NPAS2: variants seen among roughly 807,000 people sequenced by gnomAD.
The protein encoded by NPAS2 is neuronal PAS domain-containing protein 2.
In NPAS2, 23 loss-of-function variants were observed where a neutral mutation model predicts 107.5. The observed-to-expected ratio is 0.21, with a 90% CI of 0.15 to 0.30. The LOEUF is 0.30. NPAS2 is among the 10% of genes least tolerant of loss of function. The pLI is 1.00. For synonymous variants in NPAS2, 403 were observed against 417.5 expected, an observed-to-expected ratio of 0.97 and a Z score of 0.42; for missense variants, 756 against 1,043.3, an observed-to-expected ratio of 0.72 and a Z score of 3.79.
intron 3 of NPAS2, among the ~76,000 whole-genome samples, chr2:100,932,547 G>A (rs1202015272): frequency 6.6e-6 from 1 of 151,260 alleles, no homozygotes; most frequent in East Asian, 1.9e-4. Flanking sequence ...ACTTATGAAG[G>A]TGTCACACCA....
intron 1 of NPAS2, among the ~76,000 whole-genome samples, chr2:100,850,226 G>A (rs553612916): frequency 1.3e-5 from 2 of 152,218 alleles, no homozygotes; most frequent in African/African-American, 2.4e-5. Flanking sequence ...TTCAGTATAA[G>A]GAAAATAAAC....
chr2:100,879,038 G>A (rs112745964), intron 1 of NPAS2, among the ~76,000 whole-genome samples: 7,763 of 151,538 alleles, frequency 0.051, 644 homozygotes, highest in African/African-American at 0.18. Flanking sequence ...AGAATCACTT[G>A]AACCTGGGAG....
intron 1 of NPAS2, among the ~76,000 whole-genome samples, chr2:100,851,889 G>A (rs1030629579): frequency 1.3e-5 from 2 of 152,076 alleles, no homozygotes; most frequent in African/African-American, 4.8e-5. Flanking sequence ...ATGGTAGATG[G>A]GAACACAGTC....
intron 2 of NPAS2, among the ~76,000 whole-genome samples, chr2:100,912,161 A>G (rs1300799517): frequency 6.6e-6 from 1 of 152,194 alleles, no homozygotes; most frequent in African/African-American, 2.4e-5. Flanking sequence ...GGAGACTACA[A>G]AGGAAGAATA....
At chr2:100,867,052 G>T (rs568379116) in intron 1 of NPAS2, among the ~76,000 whole-genome samples, 14 of 152,194 alleles carry the variant, frequency 9.2e-5, no homozygotes, top group Non-Finnish European at 1.6e-4. Flanking sequence ...ATTTGAAGTG[G>T]ATGCTCCAAA....
chr2:100,884,342 C>T (rs1195321962), intron 1 of NPAS2, among the ~76,000 whole-genome samples: 1 of 152,074 alleles, frequency 6.6e-6, no homozygotes, highest in Non-Finnish European at 1.5e-5. Context: ...ACAGTACCTT[C>T]AGAAGATTAA....
chr2:100,982,297 C>T lies in NPAS2; in HGVS notation c.1549C>T (p.Gln517Ter). The T allele has an allele frequency of 6.2e-7, 1 of 1,614,200 alleles. No individual in the cohort carries two copies. Among genetic ancestry groups the T allele is most frequent in the East Asian group, 2.2e-5 (1 of 44,888 alleles). Residue 517 changes from glutamine (Q) to a stop codon, truncating the protein, a stop_gained, in exon 16 of 21, where the codon CAG becomes TAG. Transcript: ENST00000335681. LOFTEE classifies it high-confidence loss of function. ...DQLEQRTRILQANIRWQQEEL... is the reference protein window; with the variant it reads ...DQLEQRTRIL ...GCTAGAGCAGCGGACGCGGATCCTG[C>T]AGGCCAATATCCGGTGGCAACAGGA...
Position 100,958,459 on chromosome 2 carries a change from G to A in NPAS2, c.599-5599G>A, listed in dbSNP as rs184377908. ...GTGGAAGGAGTGTCTCATCTACTCCGGACTCTAAGAGTGGGAAGCAGAGTG... is the reference window on the plus strand; with the variant it reads ...GTGGAAGGAGTGTCTCATCTACTCCAGACTCTAAGAGTGGGAAGCAGAGTG... On this transcript the variant is annotated intron_variant, in intron 7 of 20. Coordinates refer to ENST00000335681, the MANE Select transcript of NPAS2 (RefSeq NM_002518.4). 1.2e-3 allele frequency among the ~76,000 whole-genome samples: 183 copies of A among 152,272 alleles called. 1 individual carries two copies. The highest frequency in any genetic ancestry group is 4.1e-3 in the African/African-American group (172 of 41,530).
intron 5 of NPAS2, among the ~76,000 whole-genome samples, chr2:100,943,693 A>C (rs528259141): frequency 2.6e-4 from 39 of 152,310 alleles, no homozygotes; most frequent in African/African-American, 8.9e-4. Flanking sequence ...GGAGGACATG[A>C]TTGACATGTT....
chr2:100,927,960 G>A (rs1573640133), intron 3 of NPAS2, among the ~76,000 whole-genome samples: 2 of 152,138 alleles, frequency 1.3e-5, no homozygotes, highest in Non-Finnish European at 2.9e-5. Context: ...GAATTAGTGA[G>A]GAAATAATTA....
chr2:100,884,433 C>T (rs1680570810), intron 1 of NPAS2, among the ~76,000 whole-genome samples: 1 of 152,214 alleles, frequency 6.6e-6, no homozygotes, highest in Non-Finnish European at 1.5e-5. Context: ...GTACAGCTCA[C>T]TAGCCCCACC....
upstream of NPAS2, among the ~76,000 whole-genome samples, chr2:100,819,793 C>A (rs968358550): frequency 5.4e-5 from 4 of 73,884 alleles, no homozygotes; most frequent in South Asian, 1.2e-3. The surrounding 1 kb of genome is among the most constrained non-coding windows in gnomAD (Gnocchi z 5.8). Flanking sequence ...GAAGCACAAC[C>A]CCCCCCTCCC....
chr2:100,954,851 ATTTTTTTGT>A (rs1302555443), intron 7 of NPAS2, among the ~76,000 whole-genome samples: 22 of 147,624 alleles, frequency 1.5e-4, no homozygotes, highest in Middle Eastern at 3.4e-3. Flanking sequence ...CACTAACATC[ATTTTTTTGT>A]TTTTTTTGTT....
rs944758733 is a variant in NPAS2, at chr2:100,840,062, G to A, written c.-23+19648G>A. Among the ~76,000 whole-genome samples, 16 of 152,204 alleles carry A rather than the reference G, an allele frequency of 1.1e-4. 1 individual carries two copies. The highest frequency in any genetic ancestry group is 6.5e-4 in the Admixed American group (10 of 15,302). ...CAGCAGATGTTAGTGGCATTACTCC[G>A]TTCACCTATCCAGGCCCCGGGGCCT... is the stretch of plus-strand genomic sequence containing the variant. On this transcript the variant is annotated intron_variant, in intron 1 of 20. Coordinates refer to ENST00000335681, the MANE Select transcript of NPAS2 (RefSeq NM_002518.4).
chr2:100,916,871 C>T (rs778237505), intron 2 of NPAS2, among the ~76,000 whole-genome samples: 2 of 152,004 alleles, frequency 1.3e-5, no homozygotes, highest in Admixed American at 6.6e-5. Flanking sequence ...AGAAAGATAG[C>T]GGGAAAAATA....
At chr2:100,992,968 C>T (rs1342929691) in intron 19 of NPAS2, among the ~76,000 whole-genome samples, 5 of 151,180 alleles carry the variant, frequency 3.3e-5, no homozygotes, top group Admixed American at 1.3e-4. Context: ...CTCACTCTGT[C>T]GCCCAGGCTG....
rs146397771 is a variant in NPAS2 at position 100,881,493 on chromosome 2, C to G, written c.-22-23240C>G. On this transcript the variant is annotated intron_variant, in intron 1 of 20. Coordinates refer to ENST00000335681, the MANE Select transcript of NPAS2 (RefSeq NM_002518.4). ...TTGAGGCCAGGAGTTTGAGACCAGGCTGGCCAACGTGGCGAAACCCCATCT... is the reference window on the plus strand; with the variant it reads ...TTGAGGCCAGGAGTTTGAGACCAGGGTGGCCAACGTGGCGAAACCCCATCT... 2.1e-3 allele frequency among the ~76,000 whole-genome samples: 324 copies of G among 152,310 alleles called. 9 individuals are homozygous for G. In the East Asian group the frequency reaches 0.058, roughly 27 times the overall value.
chr2:100,881,095 C>G (rs573080550), intron 1 of NPAS2, among the ~76,000 whole-genome samples: 1 of 152,320 alleles, frequency 6.6e-6, no homozygotes, highest in East Asian at 1.9e-4. Flanking sequence ...CGCTGTTGGC[C>G]TAAGGTGTGG....
At chr2:100,888,575 A>C (rs1172165292) in intron 1 of NPAS2, among the ~76,000 whole-genome samples, 1 of 152,154 alleles carries the variant, frequency 6.6e-6, no homozygotes, top group Non-Finnish European at 1.5e-5. Flanking sequence ...TCTTTGCTGA[A>C]ATATTGCTAT....
Sources: gnomAD v4.1 joint callset for allele counts (sites outside exome capture counted in the v4.1 genomes callset) on GRCh38, gnomAD v4.1.1 for gene constraint, Gnocchi (gnomAD v3.1) non-coding constraint, MANE v1.5 for transcripts, NCBI Gene and HGNC (gene_info 2026-07-23, HGNC 2026-07-21) for gene names.